Variants in KLHL6 observed in about 807,000 individuals in gnomAD.
KLHL6 encodes kelch like family member 6.
A neutral mutation model predicts 58.6 loss-of-function variants in KLHL6; 41 were observed. The ratio of observed to expected loss-of-function variants is 0.70; its 90% CI spans 0.55 to 0.91. The LOEUF (loss-of-function observed/expected upper bound fraction) is 0.91. KLHL6 is among the 40% of genes least tolerant of loss of function. KLHL6 has a pLI of 0.00. For synonymous variants in KLHL6, 338 were observed against 322.7 expected, an observed-to-expected ratio of 1.05 and a Z score of -0.51; for missense variants, 714 against 805.6, an observed-to-expected ratio of 0.89 and a Z score of 1.38.
At chr3:183,541,917 T>C (rs1293617708) in intron 1 of KLHL6, among the ~76,000 whole-genome samples, 1 of 152,162 alleles carries the variant, frequency 6.6e-6, no homozygotes, top group Non-Finnish European at 1.5e-5. Flanking sequence ...ACTTTCTCTT[T>C]CTCTTTCCAA....
At chr3:183,520,443 T>G (rs1186111785) in intron 2 of KLHL6, 1 of 151,722 alleles carries the variant, frequency 6.6e-6, no homozygotes, top group Non-Finnish European at 1.5e-5. Context: ...AGACAAAGTA[T>G]AGAGAGAGAA....
chr3:183,525,635 C>T (rs1457630026), intron 2 of KLHL6, among the ~76,000 whole-genome samples: 1 of 152,218 alleles, frequency 6.6e-6, no homozygotes, highest in East Asian at 1.9e-4. Context: ...AAACCTAGGT[C>T]TGCTTGCCCG....
chr3:183,525,797 A>C lies in KLHL6; in HGVS notation c.459+2048T>G, dbSNP rs115136719. On this transcript the variant is annotated intron_variant, in intron 2 of 6. Transcript: ENST00000341319. ...AGACCTGCGGCAATGCCCAAAATAG[A>C]ATGTGAAGTAAAACTAGTAAGATGC... Among the ~76,000 whole-genome samples the C allele has an allele frequency of 5.9e-3, 900 of 152,316 alleles. 15 individuals carry two copies. The highest frequency in any genetic ancestry group is 0.021 in the African/African-American group (859 of 41,564).
intron 1 of KLHL6, among the ~76,000 whole-genome samples, chr3:183,541,819 G>T (rs1424085018): frequency 1.3e-5 from 2 of 152,190 alleles, no homozygotes; most frequent in African/African-American, 4.8e-5. Context: ...TTCAAGAATT[G>T]CAAGTCCAGA....
chr3:183,503,063 T>C (rs1438419025), intron 3 of KLHL6, among the ~76,000 whole-genome samples: 2 of 152,252 alleles, frequency 1.3e-5, no homozygotes, highest in Non-Finnish European at 2.9e-5. Context: ...CGTGCCACTT[T>C]GTTGCAGACA....
In KLHL6 at chr3:183,499,447, C is replaced by T; in HGVS notation, c.1147+143G>A. The T allele has an allele frequency of 1.6e-6, 1 of 612,198 alleles. No homozygotes were observed. The highest frequency in any genetic ancestry group is 2.8e-5 in the East Asian group (1 of 35,318). 37.9% of individuals were successfully genotyped at this position (612,198 alleles called of 1,614,324 possible). A position where few individuals can be genotyped will look rare whatever the true frequency, so the allele number is the denominator to read the frequency against. Reference sequence around the variant, plus strand: ...ACTCTCCAAGATAAGACCACCTGAGCTCCTGGGTCCATATCCTGTCTCAGT... The same window carrying T: ...ACTCTCCAAGATAAGACCACCTGAGTTCCTGGGTCCATATCCTGTCTCAGT... On this transcript the variant is annotated intron_variant, in intron 4 of 6. Coordinates refer to ENST00000341319, the MANE Select transcript of KLHL6 (RefSeq NM_130446.4). The surrounding 1 kb of genome is among the most constrained non-coding windows in gnomAD (Gnocchi z 4.6).
chr3:183,519,355 G>C (rs1012547877), intron 2 of KLHL6, among the ~76,000 whole-genome samples: 1 of 152,192 alleles, frequency 6.6e-6, no homozygotes, highest in African/African-American at 2.4e-5. Flanking sequence ...AAATCAGAGA[G>C]AGACTGATGG....
In KLHL6 at chr3:183,539,708, C is replaced by CAAAAAAA. The variant is rs4066041; in HGVS notation, c.294-11705_294-11699dup. 1.2e-3 allele frequency among the ~76,000 whole-genome samples: 144 copies of CAAAAAAA among 123,366 alleles called. 2 individuals carry two copies. The highest frequency in any genetic ancestry group is 4.4e-3 in the African/African-American group (140 of 31,490). The allele number at this position is 123,366 out of a possible 152,430, so 80.9% of individuals were successfully genotyped here. Reference sequence around the variant, plus strand: ...TGGGTGACAGTGTGAGACTCCATCTCAAAAAAAAAAAACAAAAAAACAACT... The same window carrying CAAAAAAA: ...TGGGTGACAGTGTGAGACTCCATCTCAAAAAAAAAAAAAAAAAAACAAAAAAACAACT... On this transcript the variant is annotated intron_variant, in intron 1 of 6. Coordinates refer to ENST00000341319, the MANE Select transcript of KLHL6 (RefSeq NM_130446.4).
At chr3:183,496,836 T>C (rs1396804712) in intron 4 of KLHL6, among the ~76,000 whole-genome samples, 1 of 152,230 alleles carries the variant, frequency 6.6e-6, no homozygotes, top group Non-Finnish European at 1.5e-5. Context: ...AACAAATTTA[T>C]GACAAAAGAA....
intron 2 of KLHL6, among the ~76,000 whole-genome samples, chr3:183,514,499 G>A (rs1046779278): frequency 2.0e-5 from 3 of 151,838 alleles, no homozygotes; most frequent in African/African-American, 7.3e-5. Flanking sequence ...GCCTCACCCA[G>A]ACAAGCCCAA....
rs377186257 is a variant in KLHL6, at chr3:183,491,925, C to T, written c.*2G>A. On this transcript the variant is annotated 3_prime_UTR_variant, in exon 7 of 7. Transcript: ENST00000341319. ...GGGGCTCTCCAGCTCCCCATCCTGC[C>T]GTCAGACAGACACTGCTCCGGGCAC... The T allele has an allele frequency of 1.4e-6, 2 of 1,473,022 alleles. No individual in the cohort carries two copies. The highest frequency in any genetic ancestry group is 1.8e-6 in the Non-Finnish European group (2 of 1,108,074). The allele number at this position is 1,473,022 out of a possible 1,614,324, so 91.2% of individuals were successfully genotyped here.
chr3:183,538,354 A>G (rs779932274), intron 1 of KLHL6, among the ~76,000 whole-genome samples: 2 of 151,874 alleles, frequency 1.3e-5, no homozygotes, highest in Non-Finnish European at 2.9e-5. Context: ...ACCCACACCT[A>G]TCACTCCCAC....
chr3:183,511,304 A>G (rs1718179025), intron 2 of KLHL6, among the ~76,000 whole-genome samples: 1 of 152,242 alleles, frequency 6.6e-6, no homozygotes, highest in Non-Finnish European at 1.5e-5. Flanking sequence ...AAAGAATAAT[A>G]AAGCAGCATT....
Position 183,490,591 on chromosome 3 carries a change from G to T in KLHL6, c.*1336C>A, listed in dbSNP as rs551022731. On this transcript the variant is annotated 3_prime_UTR_variant, in exon 7 of 7. Transcript: ENST00000341319. ...GGAGGCCGAGGCGGGCAGATCACAA[G>T]GTCAGGCGTTCAAGACCAGCCTGGC... 1.3e-5 allele frequency: 2 copies of T among 152,180 alleles called. No individual in the cohort carries two copies. Among genetic ancestry groups the T allele is most frequent in the East Asian group, 3.9e-4 (2 of 5,168 alleles). The allele number at this position is 152,180 out of a possible 1,614,324, so 9.4% of individuals were successfully genotyped here.
chr3:183,508,417 T>C lies in KLHL6; in HGVS notation c.551A>G (p.His184Arg), dbSNP rs1718079266. The change falls in exon 3 of 7, where the codon CAC becomes CGC. Residue 184 changes from histidine to arginine, a missense_variant. Physicochemically the swap from His to Arg is conservative, Grantham distance 29. Around this residue, in one of 2 missense-constraint regions of KLHL6, gnomAD observed 510 missense variants for 629.7 expected, o/e 0.81. Transcript: ENST00000341319. The stretch of plus-strand genomic sequence containing the variant: ...CTGCTTCTTTAGACTGTCCAGCGAG[T>C]GTGTGTCAGCCAGCCTCAGTATTCC... Reference protein sequence around the residue: ...CVGILRLADTHSLDSLKKQVQ... With the variant: ...CVGILRLADTRSLDSLKKQVQ... 1 of 1,614,154 alleles carries C rather than the reference T, an allele frequency of 6.2e-7. No individual in the cohort carries two copies. Among genetic ancestry groups the C allele is most frequent in the East Asian group, 2.2e-5 (1 of 44,886 alleles).
chr3:183,525,326 C>CG (rs200134230), intron 2 of KLHL6, among the ~76,000 whole-genome samples: 15 of 138,470 alleles, frequency 1.1e-4, no homozygotes, highest in Admixed American at 2.2e-4. Context: ...AATCCTAACC[C>CG]GGGGGGGAAA....
chr3:183,551,100 G>A lies in KLHL6; in HGVS notation c.293+4261C>T, dbSNP rs186932877. Among the ~76,000 whole-genome samples, 27 of 145,880 alleles carry A rather than the reference G, an allele frequency of 1.9e-4. 1 individual carries two copies. Among genetic ancestry groups the A allele is most frequent in the South Asian group, 9.1e-4 (4 of 4,382 alleles). ...ACTGCCACTGCACTCCAGCCTGGGC[G>A]ACAGAGCAAGACTCTGTCTCAGAAA... is the stretch of plus-strand genomic sequence containing the variant. On this transcript the variant is annotated intron_variant, in intron 1 of 6. Coordinates refer to ENST00000341319, the MANE Select transcript of KLHL6 (RefSeq NM_130446.4).
chr3:183,515,443 G>C (rs1399388498), intron 2 of KLHL6, among the ~76,000 whole-genome samples: 5 of 152,176 alleles, frequency 3.3e-5, no homozygotes, highest in Admixed American at 3.3e-4. Context: ...AGCTACTTGG[G>C]AAGCTGAGGA....
In KLHL6 at chr3:183,527,967, T is replaced by A; in HGVS notation, c.337A>T (p.Ile113Phe). 6.2e-7 allele frequency: 1 copy of A among 1,613,966 alleles called. No homozygotes were observed. The highest frequency in any genetic ancestry group is 8.5e-7 in the Non-Finnish European group (1 of 1,179,998). ...TCAGCATCAACCCCTTTAATAATGA[T>A]CCTTTTCTCATACTTTTCCTTTAAA... ...NDLKEKYEKR[I>F]IIKGVDAETM... Residue 113 changes from isoleucine (I) to phenylalanine (F), a missense_variant, in exon 2 of 7, where the codon ATC becomes TTC. Ile to Phe is a conservative substitution (Grantham distance 21). Coordinates refer to ENST00000341319, the MANE Select transcript of KLHL6 (RefSeq NM_130446.4).
Sources: gnomAD v4.1 joint callset for allele counts (sites outside exome capture counted in the v4.1 genomes callset) on GRCh38, gnomAD v4.1.1 for gene constraint, gnomAD v4.1.1 regional missense constraint, Gnocchi (gnomAD v3.1) non-coding constraint, MANE v1.5 for transcripts, NCBI Gene and HGNC (gene_info 2026-07-23, HGNC 2026-07-21) for gene names.